CPAMD8: variants seen among roughly 807,000 people sequenced by gnomAD.
The protein encoded by CPAMD8 is C3 and PZP-like alpha-2-macroglobulin domain-containing protein 8.
A neutral mutation model predicts 224.7 loss-of-function variants in CPAMD8; 146 were observed. That is an observed-to-expected ratio of 0.65 (90% confidence interval 0.57 to 0.75). The LOEUF is 0.75. Ranked by LOEUF, CPAMD8 falls within the 30% of genes least tolerant of loss-of-function variation. The pLI, the probability that CPAMD8 is intolerant of heterozygous loss-of-function variation, is 0.00. For synonymous variants in CPAMD8, 966 were observed against 1,044.6 expected (o/e 0.92, Z 1.45); for missense variants, 2,301 against 2,537.5 (o/e 0.91, Z 2.00).
At position 17,009,107 on chromosome 19, in the gene CPAMD8, A is replaced by G. The variant is rs547920413; in HGVS notation, c.504+196T>C. The G allele has an allele frequency of 3.6e-4, 263 of 735,254 alleles. 1 individual carries two copies. The African/African-American group carries it at 4.2e-3, about 12-fold the overall frequency. The allele number at this position is 735,254 out of a possible 1,614,324, so 45.5% of individuals were successfully genotyped here. A position where few individuals can be genotyped will look rare whatever the true frequency, so the allele number is the denominator to read the frequency against. Reference sequence around the variant, plus strand: ...GCGAGACTCCATTTCAAAAAAAAAAAGGAAACGGACAGACACACACACAGC... The same window carrying G: ...GCGAGACTCCATTTCAAAAAAAAAAGGGAAACGGACAGACACACACACAGC... On this transcript the variant is annotated intron_variant, in intron 6 of 41. Transcript: ENST00000443236.
intron 40 of CPAMD8, 40 bp downstream of exon 40, chr19:16,896,416 G>A: frequency 1.3e-6 from 2 of 1,484,772 alleles, no homozygotes; most frequent in Non-Finnish European, 1.8e-6. Flanking sequence ...GAGCAGCAGC[G>A]ATGGTGTCCC....
chr19:16,895,050 C>G (rs796812908), intron 41 of CPAMD8: 1 of 156,474 alleles, frequency 6.4e-6, no homozygotes, highest in African/African-American at 2.4e-5. Flanking sequence ...GAGGTCAAGG[C>G]TGCAGTGAGC....
chr19:16,924,792 C>T (rs889266866), intron 26 of CPAMD8, among the ~76,000 whole-genome samples: 2 of 151,966 alleles, frequency 1.3e-5, no homozygotes, highest in Non-Finnish European at 2.9e-5. Context: ...GCTTTGTTGC[C>T]CAGGCTTGTC....
chr19:16,939,913 T>C (rs1302714600), intron 22 of CPAMD8, among the ~76,000 whole-genome samples: 1 of 151,894 alleles, frequency 6.6e-6, no homozygotes, highest in East Asian at 1.9e-4. Flanking sequence ...TTTTTTTGTT[T>C]TTGTTTTTGT....
At chr19:16,989,525 G>T in intron 13 of CPAMD8, 118 bp downstream of exon 13, 1 of 1,263,250 alleles carries the variant, frequency 7.9e-7, no homozygotes, top group Non-Finnish European at 1.1e-6. Context: ...AACCTCCAGT[G>T]ATCCGCCTGC....
chr19:16,943,867 G>GC (rs1328199179), intron 22 of CPAMD8, among the ~76,000 whole-genome samples: 4 of 152,136 alleles, frequency 2.6e-5, no homozygotes, highest in African/African-American at 9.7e-5. Context: ...TCCCTGGCTG[G>GC]CCAGCCCTCC....
rs959201848 is a variant in CPAMD8 at position 16,893,085 on chromosome 19, C to T, written c.*23G>A. The T allele has an allele frequency of 9.1e-7, 1 of 1,096,012 alleles. No individual in the cohort carries two copies. The highest frequency in any genetic ancestry group is 1.4e-6 in the Non-Finnish European group (1 of 709,066). 67.9% of individuals were successfully genotyped at this position (1,096,012 alleles called of 1,614,324 possible). On this transcript the variant is annotated 3_prime_UTR_variant, in exon 42 of 42. Transcript: ENST00000443236. Reference sequence around the variant, plus strand: ...GGTCCCCAGGACCAAACTGCGGTCCCACAACTGCATGTGGTTGTAGGATTA... The same window carrying T: ...GGTCCCCAGGACCAAACTGCGGTCCTACAACTGCATGTGGTTGTAGGATTA...
At chr19:17,022,446 T>C (rs2056984343) in intron 1 of CPAMD8, among the ~76,000 whole-genome samples, 1 of 151,934 alleles carries the variant, frequency 6.6e-6, no homozygotes, top group Admixed American at 6.6e-5. Context: ...ACTCTCTCTA[T>C]TCCGGCCTCC....
In CPAMD8 at chr19:16,915,819, G is replaced by A. The variant is rs534749097; in HGVS notation, c.3630-1006C>T. Among the ~76,000 whole-genome samples, 632 of 115,046 alleles carry A rather than the reference G, an allele frequency of 5.5e-3. 6 individuals carry two copies. The highest frequency in any genetic ancestry group is 7.7e-3 in the Non-Finnish European group (365 of 47,202). The allele number at this position is 115,046 out of a possible 152,430, so 75.5% of individuals were successfully genotyped here. A position where few individuals can be genotyped will look rare whatever the true frequency, so the allele number is the denominator to read the frequency against. ...GATGCATTAGCCTGCCCGCCTGCCC[G>A]CCTGCCTGCCTTCCTTCCTTCCTTC... On this transcript the variant is annotated intron_variant, in intron 27 of 41. Coordinates refer to ENST00000443236, the MANE Select transcript of CPAMD8 (RefSeq NM_015692.5).
In CPAMD8 at chr19:16,929,125, C is replaced by A; in HGVS notation, c.2961G>T (p.Leu987Phe). 1 of 1,614,156 alleles carries A rather than the reference C, an allele frequency of 6.2e-7. No homozygotes were observed. Residue 987 changes from leucine (L) to phenylalanine (F), a missense_variant, in exon 24 of 42, where the codon TTG becomes TTT. Coordinates refer to ENST00000443236, the MANE Select transcript of CPAMD8 (RefSeq NM_015692.5). ...VRAHNDARVALSSGPQDTAGM... is the reference protein window; with the variant it reads ...VRAHNDARVAFSSGPQDTAGM... The stretch of plus-strand genomic sequence containing the variant: ...CTGCTGTGTCCTGGGGCCCAGAAGA[C>A]AAGGCCACACGGGCATCATTGTGAG...
intron 22 of CPAMD8, among the ~76,000 whole-genome samples, chr19:16,944,980 C>T (rs887026954): frequency 2.0e-5 from 3 of 152,196 alleles, no homozygotes; most frequent in Non-Finnish European, 4.4e-5. Flanking sequence ...GCTGCATGCT[C>T]AGCCCTGAGA....
rs80215541 is a variant in CPAMD8 at position 16,933,806 on chromosome 19, G to T, written c.2846-4566C>A. Among the ~76,000 whole-genome samples the T allele has an allele frequency of 6.5e-3, 988 of 152,236 alleles. 7 individuals are homozygous for T. The highest frequency in any genetic ancestry group is 0.021 in the African/African-American group (876 of 41,532). ...GTTTCTTAAAAAGTTAAACATACAC[G>T]AACCATATGATTCTGTTCTTTCATT... On this transcript the variant is annotated intron_variant, in intron 23 of 41. Transcript: ENST00000443236.
At chr19:16,927,207 C>T (rs556208526) in intron 25 of CPAMD8, among the ~76,000 whole-genome samples, 21 of 152,130 alleles carry the variant, frequency 1.4e-4, no homozygotes, top group East Asian at 3.9e-4. Context: ...GGGAAGGACT[C>T]GGTGGGAGAT....
Position 16,914,409 on chromosome 19 carries a change from C to T in CPAMD8, c.3861+15G>A. ...TGCCCAGCCCCGAGTCTCCCCAAACCCCTTCTGTACTCACCTCTGAGGCTG... is the reference window on the plus strand; with the variant it reads ...TGCCCAGCCCCGAGTCTCCCCAAACTCCTTCTGTACTCACCTCTGAGGCTG... On this transcript the variant is annotated intron_variant, in intron 29 of 41. Coordinates refer to ENST00000443236, the MANE Select transcript of CPAMD8 (RefSeq NM_015692.5). 1 of 1,613,164 alleles carries T rather than the reference C, an allele frequency of 6.2e-7. No homozygotes were observed.
intron 29 of CPAMD8, among the ~76,000 whole-genome samples, chr19:16,909,819 A>G (rs2052656632): frequency 6.6e-6 from 1 of 151,948 alleles, no homozygotes; most frequent in Admixed American, 6.6e-5. Flanking sequence ...TGTAGTGGCT[A>G]TTCATAGGCA....
In CPAMD8 at chr19:17,026,649, G is replaced by C. The variant is rs751801921; in HGVS notation, c.-7C>G. 39 of 1,419,448 alleles carry C rather than the reference G, an allele frequency of 2.7e-5. No homozygotes were observed. In the East Asian group the frequency reaches 7.9e-4, roughly 29 times the overall value. The allele number at this position is 1,419,448 out of a possible 1,614,324, so 87.9% of individuals were successfully genotyped here. A position where few individuals can be genotyped will look rare whatever the true frequency, so the allele number is the denominator to read the frequency against. The stretch of plus-strand genomic sequence containing the variant: ...AGAGCAGGGCGCCGCTCATTTTTCG[G>C]CTCCTGGGGGGCGCCGCGCCTGGGG... On this transcript the variant is annotated 5_prime_UTR_variant, in exon 1 of 42. Transcript: ENST00000443236.
chr19:16,929,487 T>C (rs966386637), intron 23 of CPAMD8, among the ~76,000 whole-genome samples: 1 of 152,048 alleles, frequency 6.6e-6, no homozygotes, highest in African/African-American at 2.4e-5. Context: ...GGAAGACTAC[T>C]TGAGGCCAGG....
intron 25 of CPAMD8, among the ~76,000 whole-genome samples, chr19:16,925,657 T>C (rs1382687092): frequency 1.3e-5 from 2 of 152,220 alleles, no homozygotes; most frequent in African/African-American, 4.8e-5. Context: ...ATAGGTGCAT[T>C]GAAAGCTATA....
intron 20 of CPAMD8, among the ~76,000 whole-genome samples, chr19:16,949,058 GAGGGAGGGAGGA>G (rs2054217306): frequency 7.4e-6 from 1 of 134,758 alleles, no homozygotes; most frequent in African/African-American, 2.7e-5. Context: ...GGGAGGGGGG[GAGGGAGGGAGGA>G]AGGAAGGGAG....
Sources: allele counts gnomAD v4.1 joint callset (sites outside exome capture counted in the v4.1 genomes callset), GRCh38; gene constraint gnomAD v4.1.1; transcripts MANE v1.5; gene names NCBI Gene and HGNC (gene_info 2026-07-23, HGNC 2026-07-21).